Variants in FAAP20 observed in about 807,000 individuals in gnomAD.
The protein encoded by FAAP20 is FA core complex associated protein 20.
A neutral mutation model predicts 16.2 loss-of-function variants in FAAP20; 12 were observed. The ratio of observed to expected loss-of-function variants is 0.74; its 90% CI spans 0.48 to 1.20. The LOEUF (loss-of-function observed/expected upper bound fraction) is 1.20, where lower values mean the gene tolerates loss of function less well. Among genes scored for constraint, FAAP20 ranks in the 50% most tolerant of loss-of-function variants. The pLI is 0.00. For missense variants in FAAP20, 288 were observed against 245.8 expected (o/e 1.17, Z -1.15); for synonymous variants, 141 against 110.7 (o/e 1.27, Z -1.72).
upstream of FAAP20, chr1:2,212,644 G>A (rs1351124826): frequency 1.3e-5 from 3 of 228,106 alleles, no homozygotes; most frequent in Non-Finnish European, 2.7e-5. Flanking sequence ...GAAGGCTCAG[G>A]GTGGGTAAAA....
downstream of FAAP20, among the ~76,000 whole-genome samples, chr1:2,189,031 AAAAG>A (rs1235029083): frequency 4.9e-4 from 70 of 144,174 alleles, no homozygotes; most frequent in Admixed American, 8.2e-4. Context: ...AAAAAAAACA[AAAAG>A]AACGCCACCA....
rs950440550 is a variant in FAAP20 at position 2,193,852 on chromosome 1, G to A, written c.257C>T (p.Ser86Phe). Residue 86 changes from serine (S) to phenylalanine (F), a missense_variant, in exon 3 of 4, where the codon TCC becomes TTC. Ser to Phe is a radical substitution (Grantham distance 155, BLOSUM62 -2). Coordinates refer to ENST00000378546, the MANE Select transcript of FAAP20 (RefSeq NM_182533.4). ...CAGGTCCGGCGGAAAGGGTGTCCAG[G>A]AAAAGGTCTTGGGTCCGACAGTGAA... ...EVFTVGPKTF[S>F]WTPFPPDLWG... 1.2e-6 allele frequency: 2 copies of A among 1,612,324 alleles called. No homozygotes were observed. The highest frequency in any genetic ancestry group is 1.7e-6 in the Non-Finnish European group (2 of 1,179,810).
intron 3 of FAAP20, among the ~76,000 whole-genome samples, chr1:2,206,129 TAC>T (rs1327271777): frequency 4.6e-5 from 7 of 152,196 alleles, no homozygotes; most frequent in Admixed American, 3.9e-4. Flanking sequence ...TCCCTGTTGG[TAC>T]TCACCCACCT....
chr1:2,208,676 T>C (rs1366729167), downstream of FAAP20, among the ~76,000 whole-genome samples: 1 of 152,140 alleles, frequency 6.6e-6, no homozygotes, highest in Non-Finnish European at 1.5e-5. Context: ...GTAACCCCCA[T>C]GCTCGGCCAG....
At chr1:2,185,378 T>C (rs757144305), downstream of FAAP20, 5 of 718,566 alleles carry the variant, frequency 7.0e-6, no homozygotes, top group Non-Finnish European at 1.0e-5. Context: ...AGGAATAAAA[T>C]GTTCCGATGA....
downstream of FAAP20, among the ~76,000 whole-genome samples, chr1:2,211,977 A>G (rs1296626918): frequency 7.5e-6 from 1 of 134,108 alleles, no homozygotes; most frequent in Non-Finnish European, 1.5e-5. Flanking sequence ...ATCTCGGCTC[A>G]CTGCAAGCTC....
chr1:2,186,539 C>T (rs535263456), downstream of FAAP20, among the ~76,000 whole-genome samples: 39 of 134,062 alleles, frequency 2.9e-4, no homozygotes, highest in South Asian at 9.4e-3. Context: ...AATGTGGAGA[C>T]GGGTTTCAGC....
downstream of FAAP20, among the ~76,000 whole-genome samples, chr1:2,186,486 C>G (rs1002773587): frequency 7.1e-6 from 1 of 139,938 alleles, no homozygotes; most frequent in African/African-American, 2.7e-5. Flanking sequence ...GCCCGAGACC[C>G]TGGACACCCG....
chr1:2,188,922 G>GT (rs1240121301), downstream of FAAP20, among the ~76,000 whole-genome samples: 8 of 149,994 alleles, frequency 5.3e-5, no homozygotes, highest in Non-Finnish European at 1.0e-4. Flanking sequence ...GGAGAATGGC[G>GT]TGAACCCGGG....
At chr1:2,208,511 G>A (rs1023424580), downstream of FAAP20, among the ~76,000 whole-genome samples, 1 of 152,198 alleles carries the variant, frequency 6.6e-6, no homozygotes, top group African/African-American at 2.4e-5. Context: ...GTGGACCCGC[G>A]TGCGGAAGGT....
At chr1:2,184,569 A>G (rs756392599), downstream of FAAP20, 39 of 1,609,740 alleles carry the variant, frequency 2.4e-5, 1 homozygote, top group East Asian at 6.7e-5. Context: ...CCCTTCTCCT[A>G]TTGTTTTTCC....
upstream of FAAP20, chr1:2,197,925 C>T: frequency 4.9e-6 from 6 of 1,230,516 alleles, no homozygotes; most frequent in Non-Finnish European, 6.3e-6. Flanking sequence ...CCGACAGCTG[C>T]CTGCCAGCCG....
At chr1:2,208,754 G>C (rs1689355025), downstream of FAAP20, among the ~76,000 whole-genome samples, 1 of 152,236 alleles carries the variant, frequency 6.6e-6, no homozygotes, top group Admixed American at 6.5e-5. Flanking sequence ...GGCCCCAGAG[G>C]GGTTTGGGCC....
At chr1:2,203,702 T>G (rs1381606383), upstream of FAAP20, 3 of 958,070 alleles carry the variant, frequency 3.1e-6, no homozygotes, top group Non-Finnish European at 1.2e-6. Flanking sequence ...TCAAATCCCC[T>G]GTTCCTTGAG....
chr1:2,185,280 A>G, downstream of FAAP20: 3 of 717,894 alleles, frequency 4.2e-6, no homozygotes, highest in East Asian at 2.7e-5. Context: ...GGGGGCTGTC[A>G]TGCGGTTTCC....
At chr1:2,210,475 G>A (rs1569618443), downstream of FAAP20, among the ~76,000 whole-genome samples, 1 of 152,262 alleles carries the variant, frequency 6.6e-6, no homozygotes, top group East Asian at 1.9e-4. Context: ...CGCCTGCTTT[G>A]GGGAGGAGGC....
chr1:2,189,657 G>C lies in FAAP20; in HGVS notation c.*52C>G, dbSNP rs1381066301. 8 of 1,484,096 alleles carry C rather than the reference G, an allele frequency of 5.4e-6. No individual in the cohort carries two copies. The highest frequency in any genetic ancestry group is 7.5e-6 in the Non-Finnish European group (8 of 1,073,448). The allele number at this position is 1,484,096 out of a possible 1,614,324, so 91.9% of individuals were successfully genotyped here. A position where few individuals can be genotyped will look rare whatever the true frequency, so the allele number is the denominator to read the frequency against. ...GGAGCCGAGAGGCGGGGCTGCTGGC[G>C]GGGGAGAGCGTGTCCGGGCGCCGCA... On this transcript the variant is annotated 3_prime_UTR_variant, in exon 4 of 4. Transcript: ENST00000378546.
rs761948424 is a variant in FAAP20 at position 2,194,116 on chromosome 1, G to C, written c.80C>G (p.Pro27Arg). ...CTCATCACCCCCCAGGAGAAACCAG[G>C]GGCGGCCGCCAGAAGGCCTGGGGCA... is the stretch of plus-strand genomic sequence containing the variant. ...RPAGGPSGGR[P>R]WFLLGGDERE... Residue 27 changes from proline (P) to arginine (R), a missense_variant, in exon 2 of 4, where the codon CCC (proline) becomes CGC (arginine). By Grantham distance (103) the Pro-to-Arg change is moderately radical. Coordinates refer to ENST00000378546, the MANE Select transcript of FAAP20 (RefSeq NM_182533.4). 9.9e-6 allele frequency: 16 copies of C among 1,612,178 alleles called. No homozygotes were observed. The Admixed American group carries it at 1.3e-4, about 13-fold the overall frequency.
rs1411962213 is a variant in FAAP20 at position 2,192,291 on chromosome 1, G to C, written c.470+1348C>G. Reference sequence around the variant, plus strand: ...GCCTCGGGTGAGTTCCGGTTCCAAAGTACCGGCTCTCCCTTACGATCAAGT... The same window carrying C: ...GCCTCGGGTGAGTTCCGGTTCCAAACTACCGGCTCTCCCTTACGATCAAGT... On this transcript the variant is annotated intron_variant, in intron 3 of 3. Transcript: ENST00000378546. The C allele has an allele frequency of 7.1e-6, 7 of 986,354 alleles. No individual in the cohort carries two copies. In the African/African-American group the frequency reaches 1.0e-4, roughly 15 times the overall value. The allele number at this position is 986,354 out of a possible 1,614,324, so 61.1% of individuals were successfully genotyped here. A position where few individuals can be genotyped will look rare whatever the true frequency, so the allele number is the denominator to read the frequency against.
Sources: allele counts gnomAD v4.1 joint callset (sites outside exome capture counted in the v4.1 genomes callset), GRCh38; gene constraint gnomAD v4.1.1; transcripts MANE v1.5; gene names NCBI Gene and HGNC (gene_info 2026-07-23, HGNC 2026-07-21).